Variants in DENND5B observed in about 807,000 individuals in gnomAD.
The protein encoded by DENND5B is DENN domain containing 5B, also known as DENN domain-containing protein 5B.
DENND5B carries 34 observed loss-of-function variants against 140.6 expected under a neutral mutation model. The observed-to-expected ratio is 0.24, with a 90% confidence interval of 0.18 to 0.32. DENND5B has a LOEUF of 0.32. Ranked by LOEUF, DENND5B falls within the 10% of genes least tolerant of loss-of-function variation. The pLI is 1.00. For synonymous variants in DENND5B, 551 were observed against 562.1 expected (o/e 0.98, Z 0.28); for missense variants, 1,142 against 1,560.2 (o/e 0.73, Z 4.52).
intron 1 of DENND5B, among the ~76,000 whole-genome samples, chr12:31,520,793 G>A (rs1947846570): frequency 6.6e-6 from 1 of 151,940 alleles, no homozygotes; most frequent in Admixed American, 6.6e-5. Flanking sequence ...ACACACCTCG[G>A]CCTCCCAAAG....
intron 1 of DENND5B, among the ~76,000 whole-genome samples, chr12:31,539,932 C>G (rs1948631006): frequency 6.6e-6 from 1 of 151,998 alleles, no homozygotes. Context: ...AGGAAGGAGT[C>G]AAGTTATCCT....
chr12:31,535,095 A>T, intron 1 of DENND5B: 1 of 311,804 alleles, frequency 3.2e-6, no homozygotes, highest in Non-Finnish European at 6.0e-6. Flanking sequence ...AAAAAAAAAA[A>T]AAAAAAAGGC....
Position 31,590,800 on chromosome 12 carries a change from G to A in DENND5B, c.33C>T (p.Gly11=), listed in dbSNP as rs1950594866. ...GGCAGGCGGCCGGGGAGGAGCCCGA[G>A]CCCGGGCCGGGCGCCGCGCAGCTCC... MSGSCAAPGP[G]SGSSPAACRF... The change falls in exon 1 of 21, where the codon GGC becomes GGT. Residue 11 remains glycine (G), a synonymous_variant. Transcript: ENST00000389082. 1 of 1,315,874 alleles carries A rather than the reference G, an allele frequency of 7.6e-7. No homozygotes were observed. Among genetic ancestry groups the A allele is most frequent in the Non-Finnish European group, 9.7e-7 (1 of 1,035,024 alleles). 81.5% of individuals were successfully genotyped at this position (1,315,874 alleles called of 1,614,324 possible). A position where few individuals can be genotyped will look rare whatever the true frequency, so the allele number is the denominator to read the frequency against.
intron 1 of DENND5B, among the ~76,000 whole-genome samples, chr12:31,527,396 G>A (rs1948122008): frequency 1.3e-5 from 2 of 152,160 alleles, no homozygotes; most frequent in Non-Finnish European, 2.9e-5. Context: ...GAGGTTACGG[G>A]CGGCCAGATC....
chr12:31,477,825 T>G (rs1021405066), intron 3 of DENND5B: 1 of 214,804 alleles, frequency 4.7e-6, no homozygotes, highest in Non-Finnish European at 1.1e-5. Flanking sequence ...CTTCAGTGAA[T>G]GCAAAACTGA....
intron 3 of DENND5B, among the ~76,000 whole-genome samples, chr12:31,467,242 GGAAA>G (rs1945310056): frequency 6.6e-6 from 1 of 151,988 alleles, no homozygotes; most frequent in Non-Finnish European, 1.5e-5. Context: ...AGCTATCTCA[GGAAA>G]GGAACTTCTA....
intron 1 of DENND5B, among the ~76,000 whole-genome samples, chr12:31,548,408 G>GAA (rs200674218): frequency 6.4e-5 from 5 of 78,220 alleles, no homozygotes; most frequent in African/African-American, 8.8e-5. Flanking sequence ...AAAAGAAGAA[G>GAA]AAAAAAAAAA....
intron 16 of DENND5B, among the ~76,000 whole-genome samples, chr12:31,398,995 A>G (rs1941637946): frequency 6.6e-6 from 1 of 151,230 alleles, no homozygotes; most frequent in Non-Finnish European, 1.5e-5. Context: ...GGTGGCAGGT[A>G]CCTGTAATCC....
chr12:31,523,367 C>A (rs1415681309), intron 1 of DENND5B, among the ~76,000 whole-genome samples: 1 of 152,096 alleles, frequency 6.6e-6, no homozygotes, highest in Admixed American at 6.6e-5. Flanking sequence ...CTGGCCTATT[C>A]TTGCAATTCT....
chr12:31,579,887 T>A (rs955775824), intron 1 of DENND5B, among the ~76,000 whole-genome samples: 1 of 151,740 alleles, frequency 6.6e-6, no homozygotes, highest in Admixed American at 6.6e-5. Flanking sequence ...GGACCTTACA[T>A]GGTGCCATCT....
In DENND5B at chr12:31,434,002, A is replaced by G. The variant is rs115700237; in HGVS notation, c.2013-754T>C. 9.6e-3 allele frequency among the ~76,000 whole-genome samples: 1,456 copies of G among 152,316 alleles called. 26 individuals are homozygous for G. The highest frequency in any genetic ancestry group is 0.033 in the African/African-American group (1,380 of 41,566). On this transcript the variant is annotated intron_variant, in intron 7 of 20. Coordinates refer to ENST00000389082, the MANE Select transcript of DENND5B (RefSeq NM_144973.4). ...AGTGATATCCCATCTCAAGATAAATAGAAAGATTCAAACTCATAAGAGTGA... is the reference window on the plus strand; with the variant it reads ...AGTGATATCCCATCTCAAGATAAATGGAAAGATTCAAACTCATAAGAGTGA...
rs561049559 is a variant in DENND5B, at chr12:31,583,546, C to T, written c.127+7160G>A. On this transcript the variant is annotated intron_variant, in intron 1 of 20. Coordinates refer to ENST00000389082, the MANE Select transcript of DENND5B (RefSeq NM_144973.4). ...TACAAAAATTAGCCAGGCATGGTGG[C>T]ACGCACCTGTAGTCCCAGCTACTTG... is the stretch of plus-strand genomic sequence containing the variant. 2.0e-4 allele frequency among the ~76,000 whole-genome samples: 31 copies of T among 152,064 alleles called. 1 individual carries two copies. The South Asian group carries it at 5.4e-3, about 26-fold the overall frequency.
intron 1 of DENND5B, among the ~76,000 whole-genome samples, chr12:31,587,964 G>A (rs925848984): frequency 6.6e-6 from 1 of 152,108 alleles, no homozygotes; most frequent in African/African-American, 2.4e-5. Context: ...ATCAGATCTT[G>A]TCATTACTCT....
intron 3 of DENND5B, among the ~76,000 whole-genome samples, chr12:31,475,650 G>A (rs969359306): frequency 6.6e-6 from 1 of 152,164 alleles, no homozygotes; most frequent in Non-Finnish European, 1.5e-5. Flanking sequence ...TCAGGAGGCT[G>A]AGGGGTGAAG....
At chr12:31,420,171 A>T in intron 11 of DENND5B, 1 of 649,172 alleles carries the variant, frequency 1.5e-6, no homozygotes, top group Non-Finnish European at 1.9e-6. Flanking sequence ...CTGTCACCCA[A>T]GCTAGAGTGC....
intron 8 of DENND5B, among the ~76,000 whole-genome samples, chr12:31,428,497 G>C (rs933736734): frequency 6.6e-6 from 1 of 151,746 alleles, no homozygotes; most frequent in Non-Finnish European, 1.5e-5. Context: ...TGCCTCCCAG[G>C]TGCAAGCAAT....
chr12:31,407,420 C>T (rs1184021729), intron 14 of DENND5B, among the ~76,000 whole-genome samples: 1 of 152,168 alleles, frequency 6.6e-6, no homozygotes, highest in Non-Finnish European at 1.5e-5. Context: ...TGAGCCACCG[C>T]GCCCGGCCCA....
At chr12:31,540,097 G>C (rs1948635567) in intron 1 of DENND5B, among the ~76,000 whole-genome samples, 1 of 151,884 alleles carries the variant, frequency 6.6e-6, no homozygotes, top group Non-Finnish European at 1.5e-5. Flanking sequence ...ATCTAAAAAA[G>C]AAATCAAGAA....
chr12:31,462,728 G>A (rs1441463367), intron 3 of DENND5B, among the ~76,000 whole-genome samples: 1 of 152,160 alleles, frequency 6.6e-6, no homozygotes, highest in Admixed American at 6.5e-5. Context: ...GGAGACCGAG[G>A]TGGGTGGATT....
Sources: allele counts gnomAD v4.1 joint callset (sites outside exome capture counted in the v4.1 genomes callset), GRCh38; gene constraint gnomAD v4.1.1; transcripts MANE v1.5; gene names NCBI Gene and HGNC (gene_info 2026-07-23, HGNC 2026-07-21).